The following RORA variants were observed in gnomAD, a reference collection of about 807,000 sequenced individuals.
RORA encodes the protein RAR related orphan receptor A.
Under a neutral mutation model 69.5 loss-of-function variants are expected in RORA, and 7 were observed. That is an observed-to-expected ratio of 0.10 (90% CI 0.06 to 0.19). The LOEUF is 0.19. RORA is among the 10% of genes least tolerant of loss of function. The probability of loss-of-function intolerance (pLI) is 1.00; values close to 1 mark genes in which losing one functional copy is unlikely to be tolerated. For missense variants in RORA, 457 were observed against 663.0 expected (o/e 0.69, Z 3.41); for synonymous variants, 261 against 240.8 (o/e 1.08, Z -0.78).
chr15:60,685,123 C>T (rs9920400), intron 1 of RORA, among the ~76,000 whole-genome samples: 152,232 of 152,322 alleles, frequency 1, 76,071 homozygotes, highest in Middle Eastern at 1. Flanking sequence ...CAACCCTTGA[C>T]TGGACATAGG....
intron 1 of RORA, among the ~76,000 whole-genome samples, chr15:60,960,993 A>G (rs2140342726): frequency 6.6e-6 from 1 of 152,326 alleles, no homozygotes; most frequent in East Asian, 1.9e-4. Context: ...TTTAAGCCAA[A>G]GCCATCTGTC....
intron 1 of RORA, among the ~76,000 whole-genome samples, chr15:61,201,215 T>C (rs952236689): frequency 2.0e-5 from 3 of 152,220 alleles, no homozygotes; most frequent in Non-Finnish European, 4.4e-5. Context: ...ACCAATCTTA[T>C]CAAATGCTGT....
intron 1 of RORA, among the ~76,000 whole-genome samples, chr15:60,900,893 A>T (rs769034140): frequency 2.0e-4 from 30 of 152,072 alleles, no homozygotes; most frequent in Non-Finnish European, 3.2e-4. Flanking sequence ...AAAATAAAAA[A>T]AAATAGGACC....
At chr15:61,086,171 T>C (rs2078622128) in intron 1 of RORA, among the ~76,000 whole-genome samples, 1 of 152,244 alleles carries the variant, frequency 6.6e-6, no homozygotes, top group African/African-American at 2.4e-5. Context: ...GAAACCTTTC[T>C]GCCATTTGGC....
chr15:60,733,283 G>A (rs577836287), intron 1 of RORA, among the ~76,000 whole-genome samples: 2 of 152,272 alleles, frequency 1.3e-5, no homozygotes, highest in South Asian at 2.1e-4. Context: ...CGACTGTAGA[G>A]GCCAAAAATG....
intron 2 of RORA, among the ~76,000 whole-genome samples, chr15:60,597,593 T>TGTA (rs1555436014): frequency 3.9e-5 from 1 of 25,824 alleles, no homozygotes; most frequent in Non-Finnish European, 7.2e-5. Flanking sequence ...TATATATATA[T>TGTA]ACACATATAT....
intron 1 of RORA, chr15:60,736,770 T>A (rs945251154): frequency 6.6e-6 from 1 of 152,216 alleles, no homozygotes; most frequent in Non-Finnish European, 1.5e-5. Flanking sequence ...GTTATAGGCA[T>A]CTACGGCCAT....
At chr15:60,704,230 C>T (rs901614805) in intron 1 of RORA, among the ~76,000 whole-genome samples, 3 of 152,232 alleles carry the variant, frequency 2.0e-5, no homozygotes, top group Non-Finnish European at 2.9e-5. Flanking sequence ...GTTTACATCT[C>T]GGCTCTTCTC....
At chr15:61,094,014 T>C (rs1347468436) in intron 1 of RORA, among the ~76,000 whole-genome samples, 1 of 152,202 alleles carries the variant, frequency 6.6e-6, no homozygotes, top group African/African-American at 2.4e-5. Flanking sequence ...TTTTCCAAGG[T>C]TCAACATGGC....
intron 2 of RORA, among the ~76,000 whole-genome samples, chr15:60,624,497 T>TATATATATATATATATATAA (rs2069513435): frequency 8.3e-6 from 1 of 120,754 alleles, no homozygotes; most frequent in African/African-American, 3.4e-5. Flanking sequence ...TATATATATA[T>TATATATATATATATATATAA]TTGCTGTATG....
At chr15:60,910,989 C>T (rs1891694055) in intron 1 of RORA, among the ~76,000 whole-genome samples, 1 of 149,768 alleles carries the variant, frequency 6.7e-6, no homozygotes, top group Admixed American at 6.6e-5. Flanking sequence ...CTGCAACCTC[C>T]GCCTTCCAGG....
intron 2 of RORA, among the ~76,000 whole-genome samples, chr15:60,652,031 C>A (rs920293047): frequency 2.6e-5 from 4 of 152,016 alleles, no homozygotes; most frequent in African/African-American, 9.7e-5. Context: ...CTCCACTCAC[C>A]AATTCTCCCT....
At chr15:60,945,976 C>G (rs1030911899) in intron 1 of RORA, among the ~76,000 whole-genome samples, 12 of 152,182 alleles carry the variant, frequency 7.9e-5, no homozygotes, top group Non-Finnish European at 1.5e-4. Context: ...GTACCAGGTT[C>G]CCCACCCTGA....
At chr15:61,169,317 C>T (rs971616729) in intron 1 of RORA, among the ~76,000 whole-genome samples, 1 of 151,534 alleles carries the variant, frequency 6.6e-6, no homozygotes, top group Admixed American at 6.6e-5. Flanking sequence ...CCTGGCTTGA[C>T]GTTGATGCTA....
chr15:61,191,121 G>C (rs775426684), intron 1 of RORA, among the ~76,000 whole-genome samples: 1 of 152,090 alleles, frequency 6.6e-6, no homozygotes, highest in Non-Finnish European at 1.5e-5. Context: ...GAAGAGATTT[G>C]TATTGAAAGG....
intron 1 of RORA, among the ~76,000 whole-genome samples, chr15:60,963,645 CT>C (rs1411353605): frequency 9.2e-5 from 14 of 152,346 alleles, no homozygotes; most frequent in African/African-American, 3.4e-4. Flanking sequence ...AGGCATCCCC[CT>C]CAGCTTCATC....
At chr15:60,915,992 G>A (rs1891862323) in intron 1 of RORA, among the ~76,000 whole-genome samples, 1 of 152,228 alleles carries the variant, frequency 6.6e-6, no homozygotes, top group Non-Finnish European at 1.5e-5. Flanking sequence ...GCAGAGACAT[G>A]GGGGTGTTTC....
intron 1 of RORA, among the ~76,000 whole-genome samples, chr15:61,154,362 T>C (rs2079424389): frequency 6.6e-6 from 1 of 152,052 alleles, no homozygotes; most frequent in Admixed American, 6.6e-5. Context: ...GACCAAGCAG[T>C]TCACACTAAC....
chr15:60,739,638 A>G (rs532730150), intron 1 of RORA, among the ~76,000 whole-genome samples: 1 of 152,016 alleles, frequency 6.6e-6, no homozygotes, highest in Non-Finnish European at 1.5e-5. Context: ...GTGTGGACCA[A>G]CTCAGTCTGG....
Sources: allele counts gnomAD v4.1 joint callset (sites outside exome capture counted in the v4.1 genomes callset), GRCh38; gene constraint gnomAD v4.1.1; transcripts MANE v1.5; gene names NCBI Gene and HGNC (gene_info 2026-07-23, HGNC 2026-07-21).